Variants in MACF1 observed in about 807,000 individuals in gnomAD.
MACF1 encodes microtubule actin crosslinking factor 1, also known as microtubule-actin cross-linking factor 1.
MACF1 carries 193 observed loss-of-function variants against 854.8 expected under a neutral mutation model. That is an observed-to-expected ratio of 0.23 (90% confidence interval 0.20 to 0.25). The LOEUF (loss-of-function observed/expected upper bound fraction) is 0.25, where lower values mean the gene tolerates loss of function less well. MACF1 is among the 10% of genes least tolerant of loss of function. The pLI, the probability that MACF1 is intolerant of heterozygous loss-of-function variation, is 1.00. For synonymous variants in MACF1, 3,185 were observed against 3,226.7 expected, an observed-to-expected ratio of 0.99 and a Z score of 0.44; for missense variants, 7,722 against 8,929.1, an observed-to-expected ratio of 0.86 and a Z score of 5.45.
At chr1:39,193,279 T>A (rs965692587) in intron 2 of MACF1, among the ~76,000 whole-genome samples, 79 of 152,200 alleles carry the variant, frequency 5.2e-4, no homozygotes, top group African/African-American at 1.9e-3. Flanking sequence ...TAGATAGATA[T>A]TATTTCATTG....
chr1:39,428,399 TTATACACAAGTGCA>T, intron 63 of MACF1, 112 bp downstream of exon 63: 1 of 1,071,590 alleles, frequency 9.3e-7, no homozygotes. Flanking sequence ...CAACTTTATT[TTATACACAAGTGCA>T]TAGTTAGTGG....
Position 39,379,404 on chromosome 1 carries a change from C to T in MACF1, c.13478C>T (p.Thr4493Ile), listed in dbSNP as rs772504783. 6.2e-7 allele frequency: 1 copy of T among 1,614,032 alleles called. No homozygotes were observed. Among genetic ancestry groups the T allele is most frequent in the Admixed American group, 1.7e-5 (1 of 60,004 alleles). The change falls in exon 54 of 101, where the codon ACC (threonine) becomes ATC (isoleucine). Residue 4493 changes from threonine (T) to isoleucine (I), a missense_variant. Thr to Ile is a moderately conservative substitution (Grantham distance 89). Coordinates refer to ENST00000564288, the MANE Select transcript of MACF1 (RefSeq NM_001394062.1). ...LKSMDAMSSP[T>I]KTETVKAQAE... ...TCCATGGATGCCATGTCATCTCCAA[C>T]CAAGACAGAAACAGTGAAAGCCCAA...
At position 39,333,406 on chromosome 1, in the gene MACF1, G is replaced by GCAGT; in HGVS notation, c.6821_6824dup (p.His2275GlnfsTer8). ...AGTGGCAGGGAAATTTTTCTGTCAT[G>GCAGT]CAGTCATCCATTAGAATTGCTTGAA... is the stretch of plus-strand genomic sequence containing the variant. On this transcript the variant is annotated frameshift_variant, in exon 37 of 101. Coordinates refer to ENST00000564288, the MANE Select transcript of MACF1 (RefSeq NM_001394062.1). LOFTEE classifies it high-confidence loss of function. 6.2e-7 allele frequency: 1 copy of GCAGT among 1,614,088 alleles called. No homozygotes were observed.
Position 39,333,357 on chromosome 1 carries a change from T to C in MACF1, c.6769T>C (p.Ser2257Pro). ...QNIAGGSMMM[S>P]EKTDEEDSGR... The stretch of plus-strand genomic sequence containing the variant: ...CATCGCAGGTGGTAGTATGATGATG[T>C]CAGAAAAGACCGATGAGGAAGATAG... Residue 2257 changes from serine (S) to proline (P), a missense_variant, in exon 37 of 101, where the codon TCA becomes CCA. By Grantham distance (74) the Ser-to-Pro change is moderately conservative. Around this residue, in one of 15 missense-constraint regions of MACF1, gnomAD observed 1,531 missense variants for 1,601.6 expected, o/e 0.96. Transcript: ENST00000564288. 4 of 1,614,084 alleles carry C rather than the reference T, an allele frequency of 2.5e-6. No homozygotes were observed. Among genetic ancestry groups the C allele is most frequent in the Non-Finnish European group, 3.4e-6 (4 of 1,180,012 alleles).
chr1:39,406,189 G>A (rs1642692361), intron 58 of MACF1, among the ~76,000 whole-genome samples: 2 of 152,138 alleles, frequency 1.3e-5, no homozygotes, highest in South Asian at 2.1e-4. Context: ...TCTTTAGGTT[G>A]TATTTAAATT....
At chr1:39,415,339 T>A (rs1056426314) in intron 58 of MACF1, among the ~76,000 whole-genome samples, 8 of 151,430 alleles carry the variant, frequency 5.3e-5, no homozygotes, top group African/African-American at 1.2e-4. Context: ...TTTTTATTTT[T>A]TTTTTTTAGA....
chr1:39,227,849 C>G (rs1644733514), intron 1 of MACF1, among the ~76,000 whole-genome samples: 3 of 152,212 alleles, frequency 2.0e-5, no homozygotes, highest in Admixed American at 2.0e-4. Flanking sequence ...CTTCCCTTCT[C>G]TTTCTGGCTT....
chr1:39,250,057 G>C lies in MACF1; in HGVS notation c.215G>C (p.Gly72Ala). The C allele has an allele frequency of 6.2e-7, 1 of 1,613,738 alleles. No individual in the cohort carries two copies. Among genetic ancestry groups the C allele is most frequent in the South Asian group, 1.1e-5 (1 of 91,050 alleles). ...GATCTTTATGAAGATCTGCGGGATGGCCATAACCTGATCTCTCTGTTGGAG... is the reference window on the plus strand; with the variant it reads ...GATCTTTATGAAGATCTGCGGGATGCCCATAACCTGATCTCTCTGTTGGAG... ...INDLYEDLRD[G>A]HNLISLLEVL... is the part of the protein sequence containing the mutation. Residue 72 changes from glycine to alanine, a missense_variant, in exon 3 of 101, where the codon GGC becomes GCC. Gly to Ala is a moderately conservative substitution (Grantham distance 60). Coordinates refer to ENST00000564288, the MANE Select transcript of MACF1 (RefSeq NM_001394062.1).
chr1:39,440,251 A>G (rs922088938), intron 72 of MACF1, among the ~76,000 whole-genome samples: 1 of 150,912 alleles, frequency 6.6e-6, no homozygotes, highest in African/African-American at 2.4e-5. Context: ...TAGCTGGGTC[A>G]TATGCCACCA....
chr1:39,303,153 G>T lies in MACF1; in HGVS notation c.2789+75G>T, dbSNP rs1646084632. ...GGTGAACCAGTGGAGGGATGAGTGT[G>T]CATTTGTGATGTTTTTGAACACAGT... On this transcript the variant is annotated intron_variant, in intron 23 of 100. Transcript: ENST00000564288. The T allele has an allele frequency of 2.2e-5, 33 of 1,516,790 alleles. No individual in the cohort carries two copies. The South Asian group carries it at 3.8e-4, about 18-fold the overall frequency. 94.0% of individuals were successfully genotyped at this position (1,516,790 alleles called of 1,614,324 possible).
At chr1:39,266,588 C>A (rs201815586) in intron 6 of MACF1, among the ~76,000 whole-genome samples, 4 of 74,894 alleles carry the variant, frequency 5.3e-5, no homozygotes, top group Middle Eastern at 9.3e-3. Context: ...CTTTTGTGGT[C>A]TTTTCCTTTT....
intron 23 of MACF1, among the ~76,000 whole-genome samples, chr1:39,308,017 G>A (rs962883725): frequency 1.4e-5 from 2 of 138,182 alleles, no homozygotes; most frequent in South Asian, 2.5e-4. Flanking sequence ...CCATTCTCCC[G>A]CCTCAGCCTC....
At chr1:39,199,872 A>C (rs959771456), upstream of MACF1, among the ~76,000 whole-genome samples, 2 of 152,300 alleles carry the variant, frequency 1.3e-5, no homozygotes, top group East Asian at 3.9e-4. Flanking sequence ...TCTCCACTGG[A>C]CTATGTCATC....
chr1:39,130,230 A>G (rs1355969925), intron 2 of MACF1, among the ~76,000 whole-genome samples: 2 of 152,260 alleles, frequency 1.3e-5, no homozygotes, highest in African/African-American at 4.8e-5. Flanking sequence ...GAGTATAAAT[A>G]TAGCCAACAC....
At position 39,306,934 on chromosome 1, in the gene MACF1, G is replaced by A. The variant is rs531710785; in HGVS notation, c.2790-2636G>A. Reference sequence around the variant, plus strand: ...TGTGTTGCCCAGGCTGGAGTGGAGTGCATGGTCTTAGCACATGGCAGCCTC... The same window carrying A: ...TGTGTTGCCCAGGCTGGAGTGGAGTACATGGTCTTAGCACATGGCAGCCTC... On this transcript the variant is annotated intron_variant, in intron 23 of 100. Transcript: ENST00000564288. Among the ~76,000 whole-genome samples, 4 of 151,328 alleles carry A rather than the reference G, an allele frequency of 2.6e-5. No individual in the cohort carries two copies. The South Asian group carries it at 8.4e-4, about 32-fold the overall frequency.
intron 5 of MACF1, among the ~76,000 whole-genome samples, chr1:39,256,818 G>A (rs1645101940): frequency 6.6e-6 from 1 of 151,736 alleles, no homozygotes; most frequent in Non-Finnish European, 1.5e-5. Flanking sequence ...GGATAATGGA[G>A]GTGAGAGCAG....
At chr1:39,286,312 C>T (rs753889862) in intron 14 of MACF1, among the ~76,000 whole-genome samples, 10 of 152,080 alleles carry the variant, frequency 6.6e-5, no homozygotes, top group Non-Finnish European at 1.0e-4. Flanking sequence ...CTATATCTGG[C>T]CCATTCTCAT....
chr1:39,213,802 A>G (rs1644545096), intron 1 of MACF1, among the ~76,000 whole-genome samples: 1 of 152,236 alleles, frequency 6.6e-6, no homozygotes, highest in Non-Finnish European at 1.5e-5. Flanking sequence ...GAGTCTTATA[A>G]GAGGGACAAA....
In MACF1 at chr1:39,299,453, A is replaced by T. The variant is rs1368260701; in HGVS notation, c.2482-757A>T. 3.3e-5 allele frequency among the ~76,000 whole-genome samples: 5 copies of T among 152,180 alleles called. 1 individual carries two copies. The highest frequency in any genetic ancestry group is 7.3e-5 in the Non-Finnish European group (5 of 68,032). On this transcript the variant is annotated intron_variant, in intron 21 of 100. Transcript: ENST00000564288. ...GGACAAAGTTTATCTTTTACTCTTT[A>T]ATGGAATTGGTAATGGTTTACTACC...
Sources: allele counts gnomAD v4.1 joint callset (sites outside exome capture counted in the v4.1 genomes callset), GRCh38; gene constraint gnomAD v4.1.1; regional missense constraint gnomAD v4.1.1; transcripts MANE v1.5; gene names NCBI Gene and HGNC (gene_info 2026-07-23, HGNC 2026-07-21).